PLPP4: variants seen among roughly 807,000 people sequenced by gnomAD.
PLPP4 encodes phospholipid phosphatase 4, also known as diacylglycerol pyrophosphate like 2.
Under a neutral mutation model 32.2 loss-of-function variants are expected in PLPP4, and 20 were observed. That is an observed-to-expected ratio of 0.62 (90% CI 0.44 to 0.90). PLPP4 has a LOEUF of 0.90. PLPP4 is among the 40% of genes least tolerant of loss of function. The pLI is 0.00. For missense variants in PLPP4, 257 were observed against 353.1 expected, an observed-to-expected ratio of 0.73 and a Z score of 2.18; for synonymous variants, 127 against 133.0, an observed-to-expected ratio of 0.95 and a Z score of 0.31.
rs1363783768 is a variant in PLPP4, at chr10:120,590,505, T to C, written c.*1003T>C. Among the ~76,000 whole-genome samples the C allele has an allele frequency of 6.6e-6, 1 of 152,224 alleles. No homozygotes were observed. Among genetic ancestry groups the C allele is most frequent in the East Asian group, 1.9e-4 (1 of 5,200 alleles). On this transcript the variant is annotated 3_prime_UTR_variant, in exon 7 of 7. Transcript: ENST00000398250. ...CTATCTAGCTGGCAATATTTCAGCATGATAGGACTCTGGTAGAAGGTACAA... is the reference window on the plus strand; with the variant it reads ...CTATCTAGCTGGCAATATTTCAGCACGATAGGACTCTGGTAGAAGGTACAA...
At chr10:120,580,850 A>G in intron 6 of PLPP4, 1 of 1,281,974 alleles carries the variant, frequency 7.8e-7, no homozygotes, top group Admixed American at 2.3e-5. Context: ...TCTCCCTCTA[A>G]TATCCTCAGC....
At chr10:120,498,002 T>C (rs1351298599) in intron 1 of PLPP4, among the ~76,000 whole-genome samples, 1 of 151,530 alleles carries the variant, frequency 6.6e-6, no homozygotes, top group African/African-American at 2.4e-5. Flanking sequence ...ATCGCACCAC[T>C]GCACTCCAGC....
intron 1 of PLPP4, among the ~76,000 whole-genome samples, chr10:120,477,772 T>C (rs1211467354): frequency 6.6e-6 from 1 of 152,158 alleles, no homozygotes; most frequent in African/African-American, 2.4e-5. Flanking sequence ...TGGCACATAG[T>C]AGATACTCAG....
At chr10:120,547,064 T>A (rs1429313351) in intron 5 of PLPP4, among the ~76,000 whole-genome samples, 1 of 152,148 alleles carries the variant, frequency 6.6e-6, no homozygotes, top group East Asian at 1.9e-4. Flanking sequence ...TGTTCTTTTT[T>A]AAAAAATAGA....
At chr10:120,516,155 G>A (rs991244321) in intron 3 of PLPP4, among the ~76,000 whole-genome samples, 5 of 152,148 alleles carry the variant, frequency 3.3e-5, no homozygotes, top group African/African-American at 1.2e-4. Flanking sequence ...TTTTTAGGAA[G>A]CCTCGGAAGT....
At chr10:120,506,091 A>G (rs1564802491) in intron 2 of PLPP4, among the ~76,000 whole-genome samples, 2 of 152,228 alleles carry the variant, frequency 1.3e-5, no homozygotes, top group Non-Finnish European at 2.9e-5. Flanking sequence ...TGGCGGTGGT[A>G]GAAATTAGTC....
intron 5 of PLPP4, among the ~76,000 whole-genome samples, chr10:120,574,544 T>C (rs142454928): frequency 6.6e-6 from 1 of 152,216 alleles, no homozygotes; most frequent in Non-Finnish European, 1.5e-5. Context: ...TTGTCATCGC[T>C]GACTTCTCCA....
chr10:120,549,304 C>T (rs1188612348), intron 5 of PLPP4, among the ~76,000 whole-genome samples: 1 of 150,690 alleles, frequency 6.6e-6, no homozygotes, highest in Admixed American at 6.7e-5. Context: ...TGATTAATTT[C>T]CTTGTAAACC....
intron 1 of PLPP4, among the ~76,000 whole-genome samples, chr10:120,459,559 T>C (rs1323816512): frequency 6.6e-6 from 1 of 152,182 alleles, no homozygotes; most frequent in African/African-American, 2.4e-5. Context: ...GATGGCAATA[T>C]TGGGTTGTAC....
At chr10:120,489,755 T>A (rs992660526) in intron 1 of PLPP4, among the ~76,000 whole-genome samples, 4 of 152,144 alleles carry the variant, frequency 2.6e-5, no homozygotes, top group African/African-American at 7.2e-5. Flanking sequence ...AAAAAAAAAT[T>A]TTAACATGGA....
intron 1 of PLPP4, among the ~76,000 whole-genome samples, chr10:120,476,595 C>A (rs1387191868): frequency 1.3e-5 from 2 of 152,194 alleles, no homozygotes; most frequent in Non-Finnish European, 2.9e-5. Context: ...TTCCCACATA[C>A]TGGCCCGCCC....
intron 1 of PLPP4, among the ~76,000 whole-genome samples, chr10:120,466,766 TC>T (rs2133785573): frequency 6.6e-6 from 1 of 151,244 alleles, no homozygotes; most frequent in African/African-American, 2.4e-5. Context: ...GGGTACACTC[TC>T]TCACCTCCTA....
At chr10:120,494,025 T>C (rs2478423) in intron 1 of PLPP4, among the ~76,000 whole-genome samples, 150,697 of 152,274 alleles carry the variant, frequency 0.99, 74,587 homozygotes, top group East Asian at 1. Flanking sequence ...CTCACTATTC[T>C]GAGATAAGCA....
rs1848379711 is a variant in PLPP4, at chr10:120,467,441, C to A, written c.56+10080C>A. ...TATCATCACCTTGGTTATAGGAAGG[C>A]AGGGAGGTGGAGAAGGAGACACCTA... On this transcript the variant is annotated intron_variant, in intron 1 of 6. Coordinates refer to ENST00000398250, the MANE Select transcript of PLPP4 (RefSeq NM_001030059.3). Among the ~76,000 whole-genome samples, 2 of 63,854 alleles carry A rather than the reference C, an allele frequency of 3.1e-5. 1 individual carries two copies. The highest frequency in any genetic ancestry group is 1.4e-3 in the South Asian group (2 of 1,442). The allele number at this position is 63,854 out of a possible 152,430, so 41.9% of individuals were successfully genotyped here.
At chr10:120,581,015 G>T (rs1564856019) in intron 6 of PLPP4, 1 of 1,289,174 alleles carries the variant, frequency 7.8e-7, no homozygotes. Context: ...CCTCTGTGTT[G>T]GTGCCTAGGA....
chr10:120,575,079 T>A (rs1376090588), intron 5 of PLPP4, 52 bp from the exon 6 acceptor site: 1 of 1,573,756 alleles, frequency 6.4e-7, no homozygotes, highest in Non-Finnish European at 8.7e-7. Context: ...ACGCACTGAG[T>A]CCCTGCCACT....
rs375913325 is a variant in PLPP4 at position 120,575,070 on chromosome 10, C to T, written c.446-61C>T. On this transcript the variant is annotated intron_variant, in intron 5 of 6. Coordinates refer to ENST00000398250, the MANE Select transcript of PLPP4 (RefSeq NM_001030059.3). ...AAGACGGCAGACGGAATGCCCAGCA[C>T]GCACTGAGTCCCTGCCACTCACCAC... 88 of 1,543,364 alleles carry T rather than the reference C, an allele frequency of 5.7e-5. 1 individual carries two copies. Among genetic ancestry groups the T allele is most frequent in the Middle Eastern group, 1.7e-4 (1 of 5,794 alleles).
At chr10:120,535,250 T>C (rs1589836706) in intron 5 of PLPP4, among the ~76,000 whole-genome samples, 1 of 152,068 alleles carries the variant, frequency 6.6e-6, no homozygotes. Context: ...TATTTAGGAG[T>C]TGATTGTTTA....
rs1849162812 is a variant in PLPP4 at position 120,575,243 on chromosome 10, G to A, written c.558G>A (p.Leu186=). 6.2e-7 allele frequency: 1 copy of A among 1,614,092 alleles called. No homozygotes were observed. Among genetic ancestry groups the A allele is most frequent in the East Asian group, 2.2e-5 (1 of 44,868 alleles). The change falls in exon 6 of 7, where the codon TTG becomes TTA. Residue 186 remains leucine (L), a synonymous_variant. Coordinates refer to ENST00000398250, the MANE Select transcript of PLPP4 (RefSeq NM_001030059.3). ...GGCTCTGTGCTGCCATCCTGCCCTT[G>A]TACTGCGCCATGATGATTGCCCTGT... The part of the protein sequence containing the change: ...SWRLCAAILP[L]YCAMMIALSR...
Sources: allele counts gnomAD v4.1 joint callset (sites outside exome capture counted in the v4.1 genomes callset), GRCh38; gene constraint gnomAD v4.1.1; transcripts MANE v1.5; gene names NCBI Gene and HGNC (gene_info 2026-07-23, HGNC 2026-07-21).